MEGF8: variants seen among roughly 807,000 people sequenced by gnomAD.
MEGF8 encodes the protein multiple epidermal growth factor-like domains protein 8.
In MEGF8, 156 loss-of-function variants were observed where a neutral mutation model predicts 302.9. That is an observed-to-expected ratio of 0.52 (90% CI 0.45 to 0.59). The LOEUF is 0.59. Ranked by LOEUF, MEGF8 falls within the 20% of genes least tolerant of loss-of-function variation. The pLI, the probability that MEGF8 is intolerant of heterozygous loss-of-function variation, is 0.00. For synonymous variants in MEGF8, 1,621 were observed against 1,660.5 expected (o/e 0.98, Z 0.58); for missense variants, 3,345 against 3,964.5 (o/e 0.84, Z 4.20).
intron 23 of MEGF8, among the ~76,000 whole-genome samples, chr19:42,355,030 C>G (rs572518587): frequency 1.3e-5 from 2 of 152,326 alleles, no homozygotes; most frequent in South Asian, 4.1e-4. Flanking sequence ...AATCTCAGCT[C>G]ACTGCAACTT....
chr19:42,375,594 C>T lies in MEGF8; in HGVS notation c.7357C>T (p.Leu2453=). The change falls in exon 42 of 42, where the codon CTG becomes TTG. Residue 2453 remains leucine (L), a synonymous_variant. Transcript: ENST00000251268. This position sits in a 1 kb window ranked among gnomAD's most constrained non-coding sequence, Gnocchi z 7.1. The part of the protein sequence containing the change: ...RLISVEQECC[L]DPTSQTNCFH... The stretch of plus-strand genomic sequence containing the variant: ...CATCTCGGTGGAGCAGGAGTGCTGC[C>T]TGGACCCCACGTCCCAGACCAACTG... 6.3e-7 allele frequency: 1 copy of T among 1,595,160 alleles called. No homozygotes were observed. Among genetic ancestry groups the T allele is most frequent in the Non-Finnish European group, 8.5e-7 (1 of 1,172,332 alleles).
chr19:42,352,602 C>T lies in MEGF8; in HGVS notation c.3350+146C>T. 2 of 1,084,674 alleles carry T rather than the reference C, an allele frequency of 1.8e-6. No individual in the cohort carries two copies. The highest frequency in any genetic ancestry group is 2.6e-6 in the Non-Finnish European group (2 of 773,996). 67.2% of individuals were successfully genotyped at this position (1,084,674 alleles called of 1,614,324 possible). On this transcript the variant is annotated intron_variant, in intron 19 of 41. Coordinates refer to ENST00000251268, the MANE Select transcript of MEGF8 (RefSeq NM_001271938.2). This position sits in a 1 kb window ranked among gnomAD's most constrained non-coding sequence, Gnocchi z 4.4. ...GGGGTTTTTACCTTGCACACTAGGTCCTTATTAGAGTGACAGGGTCCCCAG... is the reference window on the plus strand; with the variant it reads ...GGGGTTTTTACCTTGCACACTAGGTTCTTATTAGAGTGACAGGGTCCCCAG...
At chr19:42,371,686 C>T (rs1055831268) in intron 41 of MEGF8, among the ~76,000 whole-genome samples, 1 of 152,182 alleles carries the variant, frequency 6.6e-6, no homozygotes, top group Non-Finnish European at 1.5e-5. Context: ...AGATATGAGC[C>T]TCTGGGGGAC....
intron 8 of MEGF8, among the ~76,000 whole-genome samples, chr19:42,337,700 G>T (rs1023404871): frequency 1.3e-5 from 2 of 151,776 alleles, no homozygotes; most frequent in Non-Finnish European, 2.9e-5. Context: ...TAGAGACGGG[G>T]TTTCACCGTG....
chr19:42,332,744 T>C (rs929016667), intron 1 of MEGF8, among the ~76,000 whole-genome samples: 2 of 152,234 alleles, frequency 1.3e-5, no homozygotes, highest in African/African-American at 4.8e-5. Flanking sequence ...GTACAAGTCT[T>C]CTTATGATCT....
rs1568557543 is a variant in MEGF8 at position 42,336,736 on chromosome 19, C to T, written c.1245-71C>T. On this transcript the variant is annotated intron_variant, in intron 6 of 41. Coordinates refer to ENST00000251268, the MANE Select transcript of MEGF8 (RefSeq NM_001271938.2). This position sits in a 1 kb window ranked among gnomAD's most constrained non-coding sequence, Gnocchi z 4.8. ...GTCTCATCCCTGGGTGATCACATGGCTCCTAAGAGCCTGGAGGAGGGAGAG... is the reference window on the plus strand; with the variant it reads ...GTCTCATCCCTGGGTGATCACATGGTTCCTAAGAGCCTGGAGGAGGGAGAG... 2 of 1,515,970 alleles carry T rather than the reference C, an allele frequency of 1.3e-6. No homozygotes were observed. Among genetic ancestry groups the T allele is most frequent in the Non-Finnish European group, 1.8e-6 (2 of 1,133,482 alleles). 93.9% of individuals were successfully genotyped at this position (1,515,970 alleles called of 1,614,324 possible).
intron 39 of MEGF8, 48 bp from the exon 40 acceptor site, chr19:42,370,653 G>A: frequency 1.3e-6 from 2 of 1,566,676 alleles, no homozygotes; most frequent in Middle Eastern, 3.4e-4. Context: ...GAGGGAGGAG[G>A]GGGTTGGTCC....
chr19:42,340,375 G>A (rs10408258), intron 8 of MEGF8, among the ~76,000 whole-genome samples: 2,317 of 152,180 alleles, frequency 0.015, 59 homozygotes, highest in African/African-American at 0.051. Context: ...GACTAGAAGC[G>A]TGTGCCACCA....
At chr19:42,334,305 T>C in intron 3 of MEGF8, 92 bp downstream of exon 3, 3 of 1,225,280 alleles carry the variant, frequency 2.4e-6, no homozygotes, top group East Asian at 2.6e-5. Flanking sequence ...TGCTCCTGCA[T>C]GAAACTCCCC....
chr19:42,351,573 G>A lies in MEGF8; in HGVS notation c.2987+13G>A. 8 of 1,607,076 alleles carry A rather than the reference G, an allele frequency of 5.0e-6. No homozygotes were observed. Among genetic ancestry groups the A allele is most frequent in the Non-Finnish European group, 6.8e-6 (8 of 1,177,088 alleles). ...GCTGGGACGACAGGTATGGTCCCTG[G>A]GGCAGGGCTAACAGAGGAAGATTCC... On this transcript the variant is annotated intron_variant, in intron 17 of 41. Coordinates refer to ENST00000251268, the MANE Select transcript of MEGF8 (RefSeq NM_001271938.2). This position sits in a 1 kb window ranked among gnomAD's most constrained non-coding sequence, Gnocchi z 5.6.
intron 1 of MEGF8, among the ~76,000 whole-genome samples, chr19:42,330,753 C>T (rs2039044728): frequency 1.3e-5 from 2 of 152,050 alleles, no homozygotes; most frequent in Admixed American, 1.3e-4. Context: ...TGTTCCTGGC[C>T]CAGAGGAATG....
chr19:42,329,509 C>A (rs1251067191), intron 1 of MEGF8, among the ~76,000 whole-genome samples: 1 of 152,134 alleles, frequency 6.6e-6, no homozygotes, highest in Non-Finnish European at 1.5e-5. Flanking sequence ...ATCTTCTGTT[C>A]TTACCAATGC....
chr19:42,356,204 G>T lies in MEGF8; in HGVS notation c.4503+11G>T. ...AGCCGCCTCTCAGCCGTGAGTTGTGGGTACCCGCTGTCTAGGGATGGTTGC... is the reference window on the plus strand; with the variant it reads ...AGCCGCCTCTCAGCCGTGAGTTGTGTGTACCCGCTGTCTAGGGATGGTTGC... On this transcript the variant is annotated intron_variant, in intron 25 of 41. Transcript: ENST00000251268. This position sits in a 1 kb window ranked among gnomAD's most constrained non-coding sequence, Gnocchi z 5.2. The T allele has an allele frequency of 6.6e-7, 1 of 1,515,690 alleles. No homozygotes were observed. Among genetic ancestry groups the T allele is most frequent in the Non-Finnish European group, 8.9e-7 (1 of 1,126,732 alleles). 93.9% of individuals were successfully genotyped at this position (1,515,690 alleles called of 1,614,324 possible).
At position 42,356,802 on chromosome 19, in the gene MEGF8, CAG is replaced by C. The variant is rs1364332050; in HGVS notation, c.4653_4654del (p.Gln1551HisfsTer44). 6.4e-7 allele frequency: 1 copy of C among 1,555,756 alleles called. No individual in the cohort carries two copies. The highest frequency in any genetic ancestry group is 8.7e-7 in the Non-Finnish European group (1 of 1,150,010). ...RYSVSERRWTQMLAGAEDGGP... is the reference protein window; with the variant it reads ...RYSVSERRWTXMLAGAEDGGP... ...CTCAGTGAGTGAGCGGCGGTGGACA[CAG>C]ATGCTGGCGGGAGCCGAGGACGGGG... On this transcript the variant is annotated frameshift_variant, in exon 27 of 42. Coordinates refer to ENST00000251268, the MANE Select transcript of MEGF8 (RefSeq NM_001271938.2). LOFTEE classifies it high-confidence loss of function. This position sits in a 1 kb window ranked among gnomAD's most constrained non-coding sequence, Gnocchi z 5.2.
At position 42,354,494 on chromosome 19, in the gene MEGF8, A is replaced by T. The variant is rs935383336; in HGVS notation, c.4012-94A>T. 14 of 1,399,538 alleles carry T rather than the reference A, an allele frequency of 1.0e-5. No individual in the cohort carries two copies. Among genetic ancestry groups the T allele is most frequent in the Non-Finnish European group, 2.0e-6 (2 of 1,024,682 alleles). 86.7% of individuals were successfully genotyped at this position (1,399,538 alleles called of 1,614,324 possible). ...CAAACAGCCCATTTCCCAGTCTCAGATTGCCCTCCCCTCTTGAACCCCTCC... is the reference window on the plus strand; with the variant it reads ...CAAACAGCCCATTTCCCAGTCTCAGTTTGCCCTCCCCTCTTGAACCCCTCC... On this transcript the variant is annotated intron_variant, in intron 22 of 41. Coordinates refer to ENST00000251268, the MANE Select transcript of MEGF8 (RefSeq NM_001271938.2). The surrounding 1 kb of genome is among the most constrained non-coding windows in gnomAD (Gnocchi z 4.3).
Position 42,356,669 on chromosome 19 carries a change from T to G in MEGF8, c.4623-105T>G. The G allele has an allele frequency of 8.1e-7, 1 of 1,227,258 alleles. No individual in the cohort carries two copies. The highest frequency in any genetic ancestry group is 1.1e-6 in the Non-Finnish European group (1 of 887,250). 76.0% of individuals were successfully genotyped at this position (1,227,258 alleles called of 1,614,324 possible). A position where few individuals can be genotyped will look rare whatever the true frequency, so the allele number is the denominator to read the frequency against. The stretch of plus-strand genomic sequence containing the variant: ...CCAGGGAATGGCAAGAGGACTGTCA[T>G]AGGAAGGTCACCCCAGGGGATGCGG... On this transcript the variant is annotated intron_variant, in intron 26 of 41. Coordinates refer to ENST00000251268, the MANE Select transcript of MEGF8 (RefSeq NM_001271938.2). This position sits in a 1 kb window ranked among gnomAD's most constrained non-coding sequence, Gnocchi z 5.2.
At chr19:42,359,903 C>T (rs1278018773) in intron 31 of MEGF8, among the ~76,000 whole-genome samples, 1 of 148,062 alleles carries the variant, frequency 6.8e-6, no homozygotes, top group African/African-American at 2.5e-5. Flanking sequence ...CTATGTTGCC[C>T]ACGCTGGTCT....
rs1036189063 is a variant in MEGF8, at chr19:42,377,711, C to T, written c.*936C>T. 3 of 151,842 alleles carry T rather than the reference C, an allele frequency of 2.0e-5. No homozygotes were observed. The highest frequency in any genetic ancestry group is 2.1e-4 in the South Asian group (1 of 4,820). The allele number at this position is 151,842 out of a possible 1,614,324, so 9.4% of individuals were successfully genotyped here. On this transcript the variant is annotated 3_prime_UTR_variant, in exon 42 of 42. Transcript: ENST00000251268. ...CTGAGGCAGAAGAATCGCTTGAACC[C>T]AGGAGGCGGAGGTTGCAGTGAGCTC...
At position 42,350,041 on chromosome 19, in the gene MEGF8, G is replaced by A; in HGVS notation, c.2500-107G>A. 4.7e-6 allele frequency: 4 copies of A among 858,238 alleles called. No individual in the cohort carries two copies. In the South Asian group the frequency reaches 6.6e-5, roughly 14 times the overall value. The allele number at this position is 858,238 out of a possible 1,614,324, so 53.2% of individuals were successfully genotyped here. A position where few individuals can be genotyped will look rare whatever the true frequency, so the allele number is the denominator to read the frequency against. On this transcript the variant is annotated intron_variant, in intron 14 of 41. Transcript: ENST00000251268. ...GATTTCCTAAATCCTGACTTCCTAT[G>A]TGCCTGAGTTCTCAACCTGGGCTCC...
Sources: gnomAD v4.1 joint callset for allele counts (sites outside exome capture counted in the v4.1 genomes callset) on GRCh38, gnomAD v4.1.1 for gene constraint, Gnocchi (gnomAD v3.1) non-coding constraint, MANE v1.5 for transcripts, NCBI Gene and HGNC (gene_info 2026-07-23, HGNC 2026-07-21) for gene names.